COL24A1: variants seen among roughly 807,000 people sequenced by gnomAD.
COL24A1 encodes collagen type XXIV alpha 1 chain.
COL24A1 carries 224 observed loss-of-function variants against 253.9 expected under a neutral mutation model. The ratio of observed to expected loss-of-function variants is 0.88; its 90% CI spans 0.79 to 0.99. The LOEUF (loss-of-function observed/expected upper bound fraction) is 0.99, where lower values mean the gene tolerates loss of function less well. Among genes scored for constraint, COL24A1 ranks in the 50% least tolerant of loss-of-function variants. The probability of loss-of-function intolerance (pLI) is 0.00; values close to 1 mark genes in which losing one functional copy is unlikely to be tolerated. For missense variants in COL24A1, 2,131 were observed against 2,068.5 expected, an observed-to-expected ratio of 1.03 and a Z score of -0.59; for synonymous variants, 685 against 673.7, an observed-to-expected ratio of 1.02 and a Z score of -0.26.
rs575616951 is a variant in COL24A1, at chr1:85,976,190, G to A, written c.2365-4797C>T. On this transcript the variant is annotated intron_variant, in intron 20 of 59. Coordinates refer to ENST00000370571, the MANE Select transcript of COL24A1 (RefSeq NM_152890.7). ...CAAGGCCAACAGTATTTGAAGGCAG[G>A]GAGGGGCGAGGCCTGAAAGCCTTGC... 1.4e-4 allele frequency among the ~76,000 whole-genome samples: 21 copies of A among 152,322 alleles called. 1 individual carries two copies. In the South Asian group the frequency reaches 2.3e-3, roughly 17 times the overall value.
chr1:86,072,909 A>C (rs903474934), intron 7 of COL24A1, among the ~76,000 whole-genome samples: 1 of 152,234 alleles, frequency 6.6e-6, no homozygotes, highest in African/African-American at 2.4e-5. Context: ...GAAAACTAAC[A>C]AACAGAAAGA....
intron 22 of COL24A1, among the ~76,000 whole-genome samples, chr1:85,969,579 TG>T (rs1691925183): frequency 8.9e-6 from 1 of 112,520 alleles, no homozygotes; most frequent in African/African-American, 3.5e-5. Context: ...CACTCCAGCC[TG>T]GATGACAGAG....
chr1:86,150,575 T>A (rs1458216180), intron 1 of COL24A1, among the ~76,000 whole-genome samples: 1 of 152,086 alleles, frequency 6.6e-6, no homozygotes, highest in Non-Finnish European at 1.5e-5. Flanking sequence ...TCTTCTTTTT[T>A]TTCTTAATTT....
At chr1:85,784,903 T>C (rs953313684) in intron 48 of COL24A1, among the ~76,000 whole-genome samples, 1 of 152,082 alleles carries the variant, frequency 6.6e-6, no homozygotes, top group East Asian at 1.9e-4. Flanking sequence ...GCTAATTCTC[T>C]ATTTTTTTGT....
At position 85,922,678 on chromosome 1, in the gene COL24A1, G is replaced by A. The variant is rs578191811; in HGVS notation, c.2563-11245C>T. The stretch of plus-strand genomic sequence containing the variant: ...AGAACTGAAGGAAGCACTAAACATG[G>A]AAAGGAATAACTGGTACCAGCTGCT... On this transcript the variant is annotated intron_variant, in intron 24 of 59. Coordinates refer to ENST00000370571, the MANE Select transcript of COL24A1 (RefSeq NM_152890.7). 2.7e-3 allele frequency among the ~76,000 whole-genome samples: 406 copies of A among 152,290 alleles called. 2 individuals carry two copies. Among genetic ancestry groups the A allele is most frequent in the Middle Eastern group, 0.014 (4 of 294 alleles).
At chr1:86,066,828 A>G (rs1053114133) in intron 7 of COL24A1, among the ~76,000 whole-genome samples, 2 of 152,130 alleles carry the variant, frequency 1.3e-5, no homozygotes, top group African/African-American at 4.8e-5. Context: ...TGAATAAAAA[A>G]CAAAGCAGAT....
At chr1:85,766,389 AAG>A (rs1262945197) in intron 53 of COL24A1, among the ~76,000 whole-genome samples, 2,087 of 36,746 alleles carry the variant, frequency 0.057, 73 homozygotes, top group African/African-American at 0.099. Context: ...AAAAAAAAAA[AAG>A]AAAGAAAGAA....
chr1:86,027,953 C>T (rs532051266), intron 14 of COL24A1, among the ~76,000 whole-genome samples: 7 of 152,308 alleles, frequency 4.6e-5, no homozygotes, highest in East Asian at 1.9e-4. Flanking sequence ...ATGTGAGACA[C>T]GGAGTCAAAT....
In COL24A1 at chr1:86,024,249, C is replaced by T. The variant is rs1406861964; in HGVS notation, c.2050-1242G>A. Among the ~76,000 whole-genome samples, 3 of 152,152 alleles carry T rather than the reference C, an allele frequency of 2.0e-5. No individual in the cohort carries two copies. In the East Asian group the frequency reaches 5.8e-4, roughly 29 times the overall value. On this transcript the variant is annotated intron_variant, in intron 14 of 59. Transcript: ENST00000370571. ...AGTACTAGAATGCACTTCTACTACGCTACTTAGTACATGGCACTGTACTTT... is the reference window on the plus strand; with the variant it reads ...AGTACTAGAATGCACTTCTACTACGTTACTTAGTACATGGCACTGTACTTT...
chr1:85,754,550 T>TAA lies in COL24A1; in HGVS notation c.4437+6844_4437+6845dup, dbSNP rs34069021. ...CTTAGAGTATAATAAAAAAAAAAAT[T>TAA]AAAAAAAAAAAAAAAGAACTAAAGG... On this transcript the variant is annotated intron_variant, in intron 55 of 59. Coordinates refer to ENST00000370571, the MANE Select transcript of COL24A1 (RefSeq NM_152890.7). Among the ~76,000 whole-genome samples, 1,005 of 110,760 alleles carry TAA rather than the reference T, an allele frequency of 9.1e-3. 12 individuals are homozygous for TAA. The highest frequency in any genetic ancestry group is 0.079 in the East Asian group (297 of 3,776). 72.7% of individuals were successfully genotyped at this position (110,760 alleles called of 152,430 possible).
At chr1:85,981,531 AC>A (rs1233797887) in intron 20 of COL24A1, among the ~76,000 whole-genome samples, 1 of 152,170 alleles carries the variant, frequency 6.6e-6, no homozygotes, top group Admixed American at 6.5e-5. Flanking sequence ...AAGACCTGAA[AC>A]CATAATATTC....
At chr1:85,781,131 A>C in intron 52 of COL24A1, 89 bp downstream of exon 52, 1 of 979,220 alleles carries the variant, frequency 1.0e-6, no homozygotes, top group Non-Finnish European at 1.5e-6. Flanking sequence ...TTTCTTCTCA[A>C]ATACCCAGGC....
intron 1 of COL24A1, among the ~76,000 whole-genome samples, chr1:86,153,351 A>G (rs1308063072): frequency 6.6e-6 from 1 of 152,120 alleles, no homozygotes; most frequent in Admixed American, 6.6e-5. Context: ...CAATCATTGT[A>G]TCTCTGCTGC....
chr1:86,133,218 CTGAAGTTG>C (rs1649582378), intron 2 of COL24A1, among the ~76,000 whole-genome samples: 1 of 152,062 alleles, frequency 6.6e-6, no homozygotes, highest in Non-Finnish European at 1.5e-5. Context: ...TGAGACTTTG[CTGAAGTTG>C]CTTATCAGCT....
At position 86,126,154 on chromosome 1, in the gene COL24A1, G is replaced by T. The variant is rs11161747; in HGVS notation, c.182C>A (p.Ala61Glu). Residue 61 changes from alanine (A) to glutamate (E), a missense_variant, in exon 3 of 60, where the codon GCG (alanine) becomes GAG (glutamate). Physicochemically the swap from Ala to Glu is moderately radical, Grantham distance 107 (BLOSUM62 -1). Transcript: ENST00000370571. ...GGKDVRHSSP[A>E]TAVPSASTPL... is the part of the protein sequence containing the mutation. ...TGTAGATGCTGATGGTACAGCAGTCGCTGGTGATGAGTGTCTTACGTCTTT... is the reference window on the plus strand; with the variant it reads ...TGTAGATGCTGATGGTACAGCAGTCTCTGGTGATGAGTGTCTTACGTCTTT... The T allele has an allele frequency of 4.4e-4, 708 of 1,608,484 alleles. 3 individuals are homozygous for T. The African/African-American group carries it at 8.4e-3, about 19-fold the overall frequency.
chr1:85,971,197 A>G lies in COL24A1; in HGVS notation c.2418+143T>C, dbSNP rs1386865290. On this transcript the variant is annotated intron_variant, in intron 21 of 59. Transcript: ENST00000370571. The stretch of plus-strand genomic sequence containing the variant: ...GCACTCCATCCTGGGCAAGAGACCA[A>G]GACTCTGTCTAAATATATAAATAAA... 5 of 700,750 alleles carry G rather than the reference A, an allele frequency of 7.1e-6. No homozygotes were observed. The East Asian group carries it at 1.4e-4, about 20-fold the overall frequency. The allele number at this position is 700,750 out of a possible 1,614,324, so 43.4% of individuals were successfully genotyped here.
intron 47 of COL24A1, among the ~76,000 whole-genome samples, chr1:85,796,895 C>T (rs1180586964): frequency 6.6e-6 from 1 of 152,042 alleles, no homozygotes; most frequent in African/African-American, 2.4e-5. Context: ...ATCCTAACAA[C>T]TATGCAAAGA....
chr1:85,999,861 A>G (rs1460783498), intron 19 of COL24A1, among the ~76,000 whole-genome samples: 1 of 152,150 alleles, frequency 6.6e-6, no homozygotes, highest in East Asian at 1.9e-4. Flanking sequence ...ATAGTTTTTC[A>G]CAACACAAGA....
intron 43 of COL24A1, among the ~76,000 whole-genome samples, chr1:85,825,356 C>T (rs1674162957): frequency 6.6e-6 from 1 of 152,084 alleles, no homozygotes; most frequent in Admixed American, 6.5e-5. Flanking sequence ...CAAGTCTTTG[C>T]TATTGTGAAT....
Sources: gnomAD v4.1 joint callset for allele counts (sites outside exome capture counted in the v4.1 genomes callset) on GRCh38, gnomAD v4.1.1 for gene constraint, MANE v1.5 for transcripts, NCBI Gene and HGNC (gene_info 2026-07-23, HGNC 2026-07-21) for gene names.